The following PRDM5 variants were observed in gnomAD, a reference collection of about 807,000 sequenced individuals.
PRDM5 encodes the protein PR/SET domain 5.
Under a neutral mutation model 81.2 loss-of-function variants are expected in PRDM5, and 56 were observed. The observed-to-expected ratio is 0.69, with a 90% CI of 0.56 to 0.86. PRDM5 has a LOEUF of 0.86. Ranked by LOEUF, PRDM5 falls within the 40% of genes least tolerant of loss-of-function variation. The probability of loss-of-function intolerance (pLI) is 0.00; values close to 1 mark genes in which losing one functional copy is unlikely to be tolerated. For synonymous variants in PRDM5, 267 were observed against 256.4 expected, an observed-to-expected ratio of 1.04 and a Z score of -0.39; for missense variants, 697 against 770.1, an observed-to-expected ratio of 0.91 and a Z score of 1.12.
chr4:120,751,617 C>A (rs991508642), intron 14 of PRDM5, among the ~76,000 whole-genome samples: 1 of 152,134 alleles, frequency 6.6e-6, no homozygotes, highest in African/African-American at 2.4e-5. Context: ...AGCTGAAAAC[C>A]AAATATAAAG....
chr4:120,851,346 C>G (rs940942094), intron 3 of PRDM5, among the ~76,000 whole-genome samples: 7 of 150,974 alleles, frequency 4.6e-5, no homozygotes, highest in African/African-American at 1.5e-4. Flanking sequence ...TACAAAGAAA[C>G]AAACTGAGTC....
chr4:120,894,625 A>G (rs2148637153), intron 2 of PRDM5, among the ~76,000 whole-genome samples: 1 of 152,364 alleles, frequency 6.6e-6, no homozygotes. Context: ...TCTTTTGTGT[A>G]TACATTTAAC....
At chr4:120,777,412 G>C in intron 12 of PRDM5, 131 bp from the exon 13 acceptor site, 1 of 1,484,006 alleles carries the variant, frequency 6.7e-7, no homozygotes, top group Non-Finnish European at 9.0e-7. Context: ...ATTTCACAAT[G>C]AGATTTTAAA....
At chr4:120,804,883 A>T (rs957139801) in intron 8 of PRDM5, among the ~76,000 whole-genome samples, 5 of 152,214 alleles carry the variant, frequency 3.3e-5, no homozygotes, top group African/African-American at 1.2e-4. Flanking sequence ...AGACACAAAA[A>T]ACCCTTCAAA....
rs1256439216 is a variant in PRDM5 at position 120,823,714 on chromosome 4, G to C, written c.301-2369C>G. 3.3e-5 allele frequency among the ~76,000 whole-genome samples: 5 copies of C among 152,154 alleles called. 1 individual carries two copies. The highest frequency in any genetic ancestry group is 1.2e-4 in the African/African-American group (5 of 41,428). On this transcript the variant is annotated intron_variant, in intron 3 of 15. Transcript: ENST00000264808. ...GATCCCTAATTTCTGGAGCCATTTT[G>C]TCCACCTGGAGGCTCATCCCAGGCC...
intron 7 of PRDM5, 80 bp from the exon 8 acceptor site, chr4:120,811,529 T>G (rs1206600232): frequency 2.4e-6 from 2 of 824,828 alleles, no homozygotes; most frequent in African/African-American, 3.4e-5. Context: ...AGGTGATATG[T>G]AAGTTCATCT....
intron 8 of PRDM5, among the ~76,000 whole-genome samples, chr4:120,806,508 C>T (rs1752981843): frequency 6.6e-6 from 1 of 152,244 alleles, no homozygotes; most frequent in Non-Finnish European, 1.5e-5. Flanking sequence ...GATCTATAGA[C>T]CAATGGAACA....
chr4:120,863,480 T>C (rs1317501720), intron 2 of PRDM5, among the ~76,000 whole-genome samples: 2 of 152,094 alleles, frequency 1.3e-5, no homozygotes, highest in Non-Finnish European at 2.9e-5. Flanking sequence ...CTTAGTTCCA[T>C]GTGCTGAAAA....
chr4:120,903,194 T>G (rs1425035791), intron 2 of PRDM5, among the ~76,000 whole-genome samples: 2 of 152,184 alleles, frequency 1.3e-5, no homozygotes, highest in Admixed American at 1.3e-4. Context: ...AGAGCTTCAT[T>G]GTGGTTAGCA....
intron 2 of PRDM5, among the ~76,000 whole-genome samples, chr4:120,900,823 G>A (rs1324703565): frequency 2.0e-5 from 3 of 151,874 alleles, no homozygotes; most frequent in South Asian, 4.2e-4. Flanking sequence ...GGTATTTATT[G>A]CTTAAAAAAA....
intron 13 of PRDM5, among the ~76,000 whole-genome samples, chr4:120,773,165 T>C (rs989424239): frequency 2.0e-5 from 3 of 152,222 alleles, no homozygotes; most frequent in Non-Finnish European, 4.4e-5. Flanking sequence ...TGGCAGTTTT[T>C]TTCATGAAAC....
intron 14 of PRDM5, among the ~76,000 whole-genome samples, chr4:120,717,062 G>GAAAAA (rs5861486): frequency 2.9e-5 from 4 of 137,642 alleles, no homozygotes; most frequent in African/African-American, 5.4e-5. Context: ...TGAACATTGT[G>GAAAAA]AAAAAAAAAA....
At chr4:120,767,254 T>G (rs1376361089) in intron 13 of PRDM5, among the ~76,000 whole-genome samples, 1 of 152,098 alleles carries the variant, frequency 6.6e-6, no homozygotes, top group Non-Finnish European at 1.5e-5. Flanking sequence ...ATGAGCCAAT[T>G]AACAAAAACA....
At chr4:120,782,574 T>A (rs1376463706) in intron 11 of PRDM5, among the ~76,000 whole-genome samples, 1 of 152,164 alleles carries the variant, frequency 6.6e-6, no homozygotes, top group African/African-American at 2.4e-5. Flanking sequence ...TGAAATTTAA[T>A]GTCTGAAACA....
intron 8 of PRDM5, among the ~76,000 whole-genome samples, chr4:120,802,458 A>C (rs371110532): frequency 4.6e-5 from 7 of 152,238 alleles, no homozygotes; most frequent in Non-Finnish European, 7.3e-5. Flanking sequence ...GCATCCGCCA[A>C]TAGGGGCAGA....
intron 14 of PRDM5, among the ~76,000 whole-genome samples, chr4:120,725,755 A>C (rs1739304072): frequency 6.6e-6 from 1 of 152,170 alleles, no homozygotes; most frequent in Non-Finnish European, 1.5e-5. Flanking sequence ...GAATTCAGGA[A>C]TCACAGCTCA....
intron 2 of PRDM5, among the ~76,000 whole-genome samples, chr4:120,883,467 T>C (rs1763065218): frequency 6.6e-6 from 1 of 151,842 alleles, no homozygotes; most frequent in Non-Finnish European, 1.5e-5. Context: ...CTTCTAAAAG[T>C]ACACACATTC....
At chr4:120,827,915 T>C (rs1345512022) in intron 3 of PRDM5, among the ~76,000 whole-genome samples, 1 of 152,174 alleles carries the variant, frequency 6.6e-6, no homozygotes, top group African/African-American at 2.4e-5. Context: ...CCTAGACTTA[T>C]TAATGCTTTG....
At chr4:120,744,495 G>A (rs901551832) in intron 14 of PRDM5, among the ~76,000 whole-genome samples, 4 of 151,796 alleles carry the variant, frequency 2.6e-5, no homozygotes, top group African/African-American at 9.7e-5. Flanking sequence ...TCCAGGAGCT[G>A]GTTTTTTGAA....
Sources: allele counts gnomAD v4.1 joint callset (sites outside exome capture counted in the v4.1 genomes callset), GRCh38; gene constraint gnomAD v4.1.1; transcripts MANE v1.5; gene names NCBI Gene and HGNC (gene_info 2026-07-23, HGNC 2026-07-21).